TENM3: variants seen among roughly 807,000 people sequenced by gnomAD.
TENM3 encodes teneurin-3.
TENM3 carries 63 observed loss-of-function variants against 255.1 expected under a neutral mutation model. The ratio of observed to expected loss-of-function variants is 0.25; its 90% confidence interval spans 0.20 to 0.30. The LOEUF is 0.30. TENM3 is among the 10% of genes least tolerant of loss of function. TENM3 has a pLI of 1.00. For synonymous variants in TENM3, 1,306 were observed against 1,322.3 expected, an observed-to-expected ratio of 0.99 and a Z score of 0.27; for missense variants, 2,929 against 3,461.1, an observed-to-expected ratio of 0.85 and a Z score of 3.86.
chr4:182,140,117 CAAT>C (rs747089900), upstream of TENM3, among the ~76,000 whole-genome samples: 7 of 152,152 alleles, frequency 4.6e-5, no homozygotes, highest in Non-Finnish European at 8.8e-5. Context: ...AAACCCCACC[CAAT>C]AATAACTTTG....
intron 3 of TENM3, among the ~76,000 whole-genome samples, chr4:182,398,663 G>A (rs1769017285): frequency 6.6e-6 from 1 of 152,180 alleles, no homozygotes; most frequent in African/African-American, 2.4e-5. Context: ...TTACAGGCAT[G>A]GAACGTGGAG....
chr4:182,765,767 G>C (rs1416735393), intron 22 of TENM3, among the ~76,000 whole-genome samples: 2 of 152,120 alleles, frequency 1.3e-5, no homozygotes, highest in African/African-American at 4.8e-5. Context: ...GTCCTCACCT[G>C]TAACATGAAA....
In TENM3 at chr4:182,605,362, A is replaced by T. The variant is rs374691448; in HGVS notation, c.749+4201A>T. On this transcript the variant is annotated intron_variant, in intron 4 of 27. Coordinates refer to ENST00000511685, the MANE Select transcript of TENM3 (RefSeq NM_001080477.4). ...ACACAGGGTACCTGTGGGGAAAAGG[A>T]ATATTACTGAATATGGAAAAGAGGT... Among the ~76,000 whole-genome samples, 23 of 152,282 alleles carry T rather than the reference A, an allele frequency of 1.5e-4. No individual in the cohort carries two copies. In the East Asian group the frequency reaches 1.9e-3, roughly 13 times the overall value.
chr4:181,739,603 T>G, the TENM3 span, among the ~76,000 whole-genome samples: 1 of 152,142 alleles, frequency 6.6e-6, no homozygotes, highest in African/African-American at 2.4e-5. Flanking sequence ...CTAACTGAGC[T>G]CTGCCTCTAT....
intron 3 of TENM3, among the ~76,000 whole-genome samples, chr4:182,417,929 A>G (rs1004371565): frequency 1.3e-5 from 2 of 152,192 alleles, no homozygotes; most frequent in Admixed American, 6.5e-5. Flanking sequence ...GAAGATTTAC[A>G]TTTCAAAAGT....
At chr4:182,650,911 TATATATATATATAA>T (rs767500099) in intron 5 of TENM3, among the ~76,000 whole-genome samples, 19,988 of 61,582 alleles carry the variant, frequency 0.32, 1,718 homozygotes, top group African/African-American at 0.38. Flanking sequence ...TATATATATA[TATATATATATATAA>T]AACAAAGCTG....
At chr4:181,658,852 A>G in the TENM3 span, among the ~76,000 whole-genome samples, 25 of 152,312 alleles carry the variant, frequency 1.6e-4, no homozygotes, top group Non-Finnish European at 3.1e-4. Flanking sequence ...AGCTTGTGGG[A>G]GATGGAGCCA....
the TENM3 span, among the ~76,000 whole-genome samples, chr4:181,461,794 A>G: frequency 2.6e-5 from 4 of 152,074 alleles, no homozygotes; most frequent in African/African-American, 9.7e-5. Flanking sequence ...TATATTTATA[A>G]TAGCTGTTTT....
chr4:182,422,856 G>A (rs1770936329), intron 3 of TENM3, among the ~76,000 whole-genome samples: 1 of 152,142 alleles, frequency 6.6e-6, no homozygotes. Context: ...TATGAAATAG[G>A]TTTTATTATT....
At chr4:181,512,161 C>T in the TENM3 span, among the ~76,000 whole-genome samples, 4 of 152,160 alleles carry the variant, frequency 2.6e-5, no homozygotes, top group Non-Finnish European at 5.9e-5. Flanking sequence ...AACTTCTCGC[C>T]ACCCATTCAG....
the TENM3 span, among the ~76,000 whole-genome samples, chr4:182,094,958 G>A: frequency 2.8e-5 from 2 of 71,358 alleles, no homozygotes; most frequent in Non-Finnish European, 6.9e-5. Flanking sequence ...AAAAAAAAAG[G>A]AAATTTTTAA....
At chr4:181,858,176 G>T in the TENM3 span, among the ~76,000 whole-genome samples, 1 of 152,212 alleles carries the variant, frequency 6.6e-6, no homozygotes, top group African/African-American at 2.4e-5. Context: ...ACGGCTTACT[G>T]CAGCAGCTCA....
chr4:182,488,039 T>A (rs1348502410), intron 3 of TENM3, among the ~76,000 whole-genome samples: 1 of 152,190 alleles, frequency 6.6e-6, no homozygotes, highest in Non-Finnish European at 1.5e-5. Flanking sequence ...GAAGTGCATG[T>A]ATTTTGGATA....
At chr4:181,549,983 C>T in the TENM3 span, among the ~76,000 whole-genome samples, 1 of 152,120 alleles carries the variant, frequency 6.6e-6, no homozygotes, top group South Asian at 2.1e-4. Flanking sequence ...TAATGTGTCT[C>T]GTCAGCATTT....
chr4:182,136,133 T>A, the TENM3 span, among the ~76,000 whole-genome samples: 39 of 152,242 alleles, frequency 2.6e-4, no homozygotes, highest in Non-Finnish European at 4.4e-5. Context: ...CAAGTTGTAG[T>A]TTTGGAAAGC....
the TENM3 span, among the ~76,000 whole-genome samples, chr4:181,751,519 T>C: frequency 6.6e-6 from 1 of 152,088 alleles, no homozygotes; most frequent in African/African-American, 2.4e-5. Context: ...CCTCACAGTG[T>C]TGTTACGCAC....
chr4:181,869,333 A>G, the TENM3 span, among the ~76,000 whole-genome samples: 1 of 152,124 alleles, frequency 6.6e-6, no homozygotes, highest in Non-Finnish European at 1.5e-5. Flanking sequence ...ACATGTATTT[A>G]ATTTATCTTT....
At position 182,489,459 on chromosome 4, in the gene TENM3, A is replaced by G. The variant is rs1396286585; in HGVS notation, c.512-111465A>G. 2.0e-5 allele frequency among the ~76,000 whole-genome samples: 3 copies of G among 152,182 alleles called. No individual in the cohort carries two copies. The East Asian group carries it at 5.8e-4, about 29-fold the overall frequency. ...TGGTTATTTTAGTAGTAAATTAAATATTCAGGGTTTGTGTGGATTTATAGG... is the reference window on the plus strand; with the variant it reads ...TGGTTATTTTAGTAGTAAATTAAATGTTCAGGGTTTGTGTGGATTTATAGG... On this transcript the variant is annotated intron_variant, in intron 3 of 27. Coordinates refer to ENST00000511685, the MANE Select transcript of TENM3 (RefSeq NM_001080477.4).
At chr4:182,749,991 A>AC (rs1554028877) in intron 19 of TENM3, among the ~76,000 whole-genome samples, 15,882 of 151,926 alleles carry the variant, frequency 0.1, 1,661 homozygotes, top group African/African-American at 0.27. Context: ...AGGAAAAAAA[A>AC]AAAACCTCTA....
Sources: gnomAD v4.1 joint callset for allele counts (sites outside exome capture counted in the v4.1 genomes callset) on GRCh38, gnomAD v4.1.1 for gene constraint, MANE v1.5 for transcripts, NCBI Gene and HGNC (gene_info 2026-07-23, HGNC 2026-07-21) for gene names.